The following CAPN14 variants were observed in gnomAD, a reference collection of about 807,000 sequenced individuals.
CAPN14 encodes the protein calpain 14, also known as calpain-14.
In CAPN14, 94 loss-of-function variants were observed where a neutral mutation model predicts 101.3. That is an observed-to-expected ratio of 0.93 (90% CI 0.79 to 1.10). The LOEUF is 1.10. Among genes scored for constraint, CAPN14 ranks in the 50% least tolerant of loss-of-function variants. CAPN14 has a pLI of 0.00. For synonymous variants in CAPN14, 338 were observed against 317.9 expected (o/e 1.06, Z -0.67); for missense variants, 837 against 828.4 (o/e 1.01, Z -0.13).
Position 31,181,510 on chromosome 2 carries a change from CT to C in CAPN14, c.1646-511del, listed in dbSNP as rs11409068. On this transcript the variant is annotated intron_variant, in intron 16 of 21. Coordinates refer to ENST00000403897, the MANE Select transcript of CAPN14 (RefSeq NM_001145122.2). ...CTCTCTCTCTTTCCTTTCTTTCTTT[CT>C]TTTTTTTATTTTTTTATTTTATTAT... Among the ~76,000 whole-genome samples, 916 of 120,776 alleles carry C rather than the reference CT, an allele frequency of 7.6e-3. 13 individuals carry two copies. Among genetic ancestry groups the C allele is most frequent in the African/African-American group, 0.024 (851 of 34,858 alleles). The allele number at this position is 120,776 out of a possible 152,430, so 79.2% of individuals were successfully genotyped here.
intron 8 of CAPN14, 82 bp from the exon 9 acceptor site, chr2:31,194,565 A>C (rs1681373890): frequency 5.5e-6 from 5 of 911,204 alleles, no homozygotes; most frequent in Non-Finnish European, 8.6e-6. Flanking sequence ...GTCATTATTT[A>C]TTATTATTTT....
chr2:31,203,675 G>T (rs1433465082), intron 2 of CAPN14, among the ~76,000 whole-genome samples: 1 of 152,150 alleles, frequency 6.6e-6, no homozygotes, highest in Admixed American at 6.5e-5. Context: ...TATGTCAGCA[G>T]TTCCCAGGAT....
intron 3 of CAPN14, 55 bp downstream of exon 3, chr2:31,203,015 C>G: frequency 6.9e-7 from 1 of 1,444,060 alleles, no homozygotes; most frequent in African/African-American, 1.4e-5. Context: ...CTGTCTTGGC[C>G]AGGCCTGGTC....
In CAPN14 at chr2:31,181,526, T is replaced by C. The variant is rs551944234; in HGVS notation, c.1646-526A>G. On this transcript the variant is annotated intron_variant, in intron 16 of 21. Transcript: ENST00000403897. The stretch of plus-strand genomic sequence containing the variant: ...TCTTTCTTTCTTTTTTTTATTTTTT[T>C]ATTTTATTATTATACCTTAAGTTTT... Among the ~76,000 whole-genome samples the C allele has an allele frequency of 1.4e-4, 17 of 125,890 alleles. No individual in the cohort carries two copies. In the East Asian group the frequency reaches 3.1e-3, roughly 23 times the overall value. 82.6% of individuals were successfully genotyped at this position (125,890 alleles called of 152,430 possible).
Position 31,203,069 on chromosome 2 carries a change from C to T in CAPN14, c.295+1G>A, listed in dbSNP as rs1415692355. 3.2e-6 allele frequency: 5 copies of T among 1,551,302 alleles called. No individual in the cohort carries two copies. In the East Asian group the frequency reaches 7.3e-5, roughly 23 times the overall value. ...TGTCTCTCGGGGCTGTGCAAACTTACCTACTATCCCCTGGCACAGATCCAG... is the reference window on the plus strand; with the variant it reads ...TGTCTCTCGGGGCTGTGCAAACTTATCTACTATCCCCTGGCACAGATCCAG... On this transcript the variant is annotated splice_donor_variant, in intron 3 of 21. Transcript: ENST00000403897. LOFTEE classifies it high-confidence loss of function.
At chr2:31,180,327 T>C (rs1376787493) in intron 17 of CAPN14, among the ~76,000 whole-genome samples, 1 of 152,222 alleles carries the variant, frequency 6.6e-6, no homozygotes. Flanking sequence ...ACTGTTTTTG[T>C]CTTTACAACC....
chr2:31,184,891 T>C (rs1234179410), intron 16 of CAPN14, among the ~76,000 whole-genome samples: 1 of 152,244 alleles, frequency 6.6e-6, no homozygotes, highest in African/African-American at 2.4e-5. Context: ...TCATGTTAGC[T>C]AGAGGTCAAC....
intron 1 of CAPN14, among the ~76,000 whole-genome samples, chr2:31,216,716 T>A (rs1682660764): frequency 6.6e-6 from 1 of 152,138 alleles, no homozygotes. Context: ...GAGAGGGTTA[T>A]AAGCTGAACT....
chr2:31,185,767 A>C lies in CAPN14; in HGVS notation c.1645+661T>G, dbSNP rs547531866. On this transcript the variant is annotated intron_variant, in intron 16 of 21. Coordinates refer to ENST00000403897, the MANE Select transcript of CAPN14 (RefSeq NM_001145122.2). ...TAAATCTTGGCTTCATAGAAAGAAG[A>C]AGCAATCATCTAACTTTGGCAGCAA... 2.6e-5 allele frequency among the ~76,000 whole-genome samples: 4 copies of C among 152,360 alleles called. No homozygotes were observed. In the South Asian group the frequency reaches 8.3e-4, roughly 32 times the overall value.
At chr2:31,231,063 T>C (rs1243298643) in intron 1 of CAPN14, among the ~76,000 whole-genome samples, 3 of 152,226 alleles carry the variant, frequency 2.0e-5, no homozygotes, top group African/African-American at 7.2e-5. Flanking sequence ...CTTCGCTTAG[T>C]TGTTGCCATT....
Position 31,194,470 on chromosome 2 carries a change from C to T in CAPN14, c.889G>A (p.Glu297Lys). The T allele has an allele frequency of 6.4e-7, 1 of 1,551,210 alleles. No homozygotes were observed. The highest frequency in any genetic ancestry group is 8.7e-7 in the Non-Finnish European group (1 of 1,146,660). Reference sequence around the variant, plus strand: ...ATCTTCTCCTTGGGGCTCAGCAGCTCCCATTTACTTGAACTGAAAATAGAA... The same window carrying T: ...ATCTTCTCCTTGGGGCTCAGCAGCTTCCATTTACTTGAACTGAAAATAGAA... ...GDWSDSSSKW[E>K]LLSPKEKILL... is the part of the protein sequence containing the mutation. Residue 297 changes from glutamate (E) to lysine (K), a missense_variant, in exon 9 of 22, where the codon GAG becomes AAG. Coordinates refer to ENST00000403897, the MANE Select transcript of CAPN14 (RefSeq NM_001145122.2).
chr2:31,225,988 T>C (rs1469345878), intron 2 of CAPN14, among the ~76,000 whole-genome samples: 1 of 152,186 alleles, frequency 6.6e-6, no homozygotes. Context: ...TACCAGATAT[T>C]AAAATTTATC....
In CAPN14 at chr2:31,200,466, G is replaced by A. The variant is rs920070364; in HGVS notation, c.711C>T (p.Cys237=). 1.4e-5 allele frequency: 22 copies of A among 1,549,584 alleles called. No homozygotes were observed. The East Asian group carries it at 5.4e-4, about 38-fold the overall frequency. Residue 237 remains cysteine (C), a synonymous_variant, in exon 6 of 22, where the codon TGC becomes TGT. Coordinates refer to ENST00000403897, the MANE Select transcript of CAPN14 (RefSeq NM_001145122.2). ...EATYNRTLIG[C]QTHSGEKILE... ...CCAGTCTCACCCCTGAGTGGGTCTG[G>A]CAGCCAATGAGGGTTCTGTTGTAGG...
At chr2:31,182,439 T>C (rs1680694384) in intron 16 of CAPN14, among the ~76,000 whole-genome samples, 1 of 143,248 alleles carries the variant, frequency 7.0e-6, no homozygotes, top group Non-Finnish European at 1.5e-5. Context: ...GAAAACCCCA[T>C]TCTCTCAGCC....
At chr2:31,195,734 T>G (rs1681441352) in intron 8 of CAPN14, among the ~76,000 whole-genome samples, 1 of 152,230 alleles carries the variant, frequency 6.6e-6, no homozygotes, top group Admixed American at 6.5e-5. Context: ...AAGGTTTGTC[T>G]TGACCTTCCC....
In CAPN14 at chr2:31,201,906, A is replaced by G. The variant is rs766443081; in HGVS notation, c.507T>C (p.Tyr169=). The change falls in exon 5 of 22, where the codon TAT becomes TAC. Residue 169 remains tyrosine, a synonymous_variant. Coordinates refer to ENST00000403897, the MANE Select transcript of CAPN14 (RefSeq NM_001145122.2). ...AGQLVFVSST[Y]KNLFWGALLE... ...GAAGTGCTCCCCAGAACAAGTTCTTATAGGTGGAGGAGACAAAGACCAGCT... is the reference window on the plus strand; with the variant it reads ...GAAGTGCTCCCCAGAACAAGTTCTTGTAGGTGGAGGAGACAAAGACCAGCT... The G allele has an allele frequency of 1.9e-6, 3 of 1,551,622 alleles. No homozygotes were observed. The highest frequency in any genetic ancestry group is 3.9e-5 in the Admixed American group (2 of 50,990).
Position 31,177,788 on chromosome 2 carries a change from A to C in CAPN14, c.1813T>G (p.Tyr605Asp). Residue 605 changes from tyrosine (Y) to aspartate (D), a missense_variant, in exon 19 of 22, where the codon TAC (tyrosine) becomes GAC (aspartate). By Grantham distance (160) the Tyr-to-Asp change is radical (BLOSUM62 -3). Transcript: ENST00000403897. ...GCGTGCAGCTGCTCCCAGTTCAGGTATCCTGACCCACGGTCTTGCTTGTGG... is the reference window on the plus strand; with the variant it reads ...GCGTGCAGCTGCTCCCAGTTCAGGTCTCCTGACCCACGGTCTTGCTTGTGG... ...VFHKQDRGSG[Y>D]LNWEQLHAAM... is the part of the protein sequence containing the mutation. 1.3e-6 allele frequency: 2 copies of C among 1,552,044 alleles called. No individual in the cohort carries two copies. Among genetic ancestry groups the C allele is most frequent in the Non-Finnish European group, 1.7e-6 (2 of 1,147,060 alleles).
intron 10 of CAPN14, 75 bp downstream of exon 10, chr2:31,193,056 A>C (rs1182640225): frequency 7.2e-7 from 1 of 1,394,320 alleles, no homozygotes; most frequent in Non-Finnish European, 9.7e-7. Context: ...TCGTGCTGCA[A>C]CCCCCTGTGC....
chr2:31,231,434 C>T (rs542914412), intron 1 of CAPN14, among the ~76,000 whole-genome samples: 1 of 152,332 alleles, frequency 6.6e-6, no homozygotes, highest in East Asian at 1.9e-4. Context: ...TTATTTTTCA[C>T]ATAAAGATCT....
Sources: allele counts gnomAD v4.1 joint callset (sites outside exome capture counted in the v4.1 genomes callset), GRCh38; gene constraint gnomAD v4.1.1; transcripts MANE v1.5; gene names NCBI Gene and HGNC (gene_info 2026-07-23, HGNC 2026-07-21).